Variants in AGBL1 observed in about 807,000 individuals in gnomAD.
The protein encoded by AGBL1 is AGBL carboxypeptidase 1, also known as cytosolic carboxypeptidase 4.
AGBL1 carries 130 observed loss-of-function variants against 118.9 expected under a neutral mutation model. The ratio of observed to expected loss-of-function variants is 1.09; its 90% confidence interval spans 0.95 to 1.26. AGBL1 has a LOEUF of 1.26. Among genes scored for constraint, AGBL1 ranks in the 50% most tolerant of loss-of-function variants. The pLI, the probability that AGBL1 is intolerant of heterozygous loss-of-function variation, is 0.00. For missense variants in AGBL1, 1,584 were observed against 1,298.1 expected (o/e 1.22, Z -3.38); for synonymous variants, 555 against 478.9 (o/e 1.16, Z -2.08).
At chr15:86,798,330 A>G (rs1364103678) in intron 22 of AGBL1, among the ~76,000 whole-genome samples, 1 of 152,180 alleles carries the variant, frequency 6.6e-6, no homozygotes, top group Non-Finnish European at 1.5e-5. Flanking sequence ...GTGAGCTGGG[A>G]CACACACTAC....
intron 2 of AGBL1, 118 bp downstream of exon 2, chr15:86,142,185 G>T: frequency 2.1e-6 from 2 of 974,594 alleles, no homozygotes; most frequent in South Asian, 3.2e-5. Context: ...CCTGTGAGAG[G>T]CAGCATCACT....
intron 22 of AGBL1, among the ~76,000 whole-genome samples, chr15:86,742,116 C>A (rs6496357): frequency 0.054 from 8,264 of 152,026 alleles, 599 homozygotes; most frequent in African/African-American, 0.17. Context: ...AGGCATTGAG[C>A]CATCTATACT....
intron 18 of AGBL1, among the ~76,000 whole-genome samples, chr15:86,419,013 T>C (rs1188356465): frequency 6.6e-6 from 1 of 152,144 alleles, no homozygotes; most frequent in Non-Finnish European, 1.5e-5. Flanking sequence ...CTCTTGGATA[T>C]GAGTAGATCA....
intron 22 of AGBL1, among the ~76,000 whole-genome samples, chr15:86,817,082 T>C (rs1293207273): frequency 6.6e-6 from 1 of 151,586 alleles, no homozygotes; most frequent in African/African-American, 2.4e-5. Context: ...AGGTCAGGAG[T>C]TCGAGACCAG....
chr15:86,801,896 G>C (rs1028448893), intron 22 of AGBL1, among the ~76,000 whole-genome samples: 3 of 152,072 alleles, frequency 2.0e-5, no homozygotes, highest in Non-Finnish European at 4.4e-5. Flanking sequence ...AGACTTAAAG[G>C]GAATGGGAGT....
chr15:86,891,935 A>C (rs542784123), intron 22 of AGBL1, among the ~76,000 whole-genome samples: 3 of 152,270 alleles, frequency 2.0e-5, no homozygotes, highest in African/African-American at 7.2e-5. Context: ...CTGAAACATC[A>C]ATGGGCCACT....
intron 23 of AGBL1, among the ~76,000 whole-genome samples, chr15:86,958,057 T>G (rs2080949879): frequency 6.6e-6 from 1 of 151,782 alleles, no homozygotes; most frequent in Non-Finnish European, 1.5e-5. Flanking sequence ...AAATAAAAAA[T>G]TAGCCGATTG....
intron 22 of AGBL1, among the ~76,000 whole-genome samples, chr15:86,744,398 A>G (rs1481273554): frequency 1.3e-5 from 2 of 152,118 alleles, no homozygotes; most frequent in East Asian, 3.9e-4. Context: ...AGAGATATGA[A>G]ACAAGGCCAA....
chr15:86,810,631 T>C (rs1051112869), intron 22 of AGBL1, among the ~76,000 whole-genome samples: 2 of 152,166 alleles, frequency 1.3e-5, no homozygotes, highest in African/African-American at 4.8e-5. Context: ...ATTAACCCCA[T>C]TTCTCAGAAT....
chr15:86,199,880 C>T (rs2077875826), intron 5 of AGBL1, among the ~76,000 whole-genome samples: 1 of 152,170 alleles, frequency 6.6e-6, no homozygotes, highest in South Asian at 2.1e-4. Context: ...CTTAGTCAAG[C>T]CATTTAATCC....
intron 17 of AGBL1, among the ~76,000 whole-genome samples, chr15:86,325,665 T>C (rs1263652137): frequency 1.3e-5 from 2 of 152,118 alleles, no homozygotes; most frequent in Admixed American, 6.5e-5. Context: ...CCATCTTCCA[T>C]CCCCCTAGCA....
chr15:86,326,667 A>G (rs753862967), intron 17 of AGBL1, among the ~76,000 whole-genome samples: 2 of 152,166 alleles, frequency 1.3e-5, no homozygotes, highest in Non-Finnish European at 2.9e-5. Context: ...AGGGAGGTAT[A>G]TGTTGCTTGT....
chr15:86,685,384 G>A (rs762683847), intron 22 of AGBL1, among the ~76,000 whole-genome samples: 1 of 152,124 alleles, frequency 6.6e-6, no homozygotes, highest in Non-Finnish European at 1.5e-5. Context: ...ATTGGAAAAC[G>A]AAGATAACTT....
chr15:86,989,320 T>C (rs2081315084), intron 24 of AGBL1, among the ~76,000 whole-genome samples: 1 of 152,158 alleles, frequency 6.6e-6, no homozygotes, highest in East Asian at 1.9e-4. Context: ...GATTTTTAAA[T>C]CAATGCTTCT....
In AGBL1 at chr15:86,868,777, C is replaced by T. The variant is rs371550276; in HGVS notation, c.3159-38310C>T. 1.4e-3 allele frequency among the ~76,000 whole-genome samples: 213 copies of T among 152,176 alleles called. No homozygotes were observed. The South Asian group carries it at 0.019, about 13-fold the overall frequency. On this transcript the variant is annotated intron_variant, in intron 22 of 22. Coordinates refer to ENST00000614907, the MANE Select transcript of AGBL1 (RefSeq NM_001386094.1). ...ACTACTAAAAAGTAAGGCCTGTGAACCACTAGTAGATATTGGTGGGGTGAC... is the reference window on the plus strand; with the variant it reads ...ACTACTAAAAAGTAAGGCCTGTGAATCACTAGTAGATATTGGTGGGGTGAC...
chr15:86,975,486 A>T (rs2081167099), intron 23 of AGBL1, among the ~76,000 whole-genome samples: 1 of 152,130 alleles, frequency 6.6e-6, no homozygotes, highest in Admixed American at 6.6e-5. Context: ...GCTGCAATTC[A>T]AGATGGGAAT....
chr15:86,187,600 G>A (rs1473033329), intron 5 of AGBL1, among the ~76,000 whole-genome samples: 1 of 152,174 alleles, frequency 6.6e-6, no homozygotes, highest in Non-Finnish European at 1.5e-5. Context: ...TGGAGCTGTG[G>A]TGAGATTGAA....
chr15:86,522,979 C>T (rs2083210188), intron 19 of AGBL1, 40 bp downstream of exon 19: 1 of 1,592,926 alleles, frequency 6.3e-7, no homozygotes, highest in African/African-American at 1.3e-5. Context: ...CTGGCTGCTT[C>T]CTTCTACCTT....
intron 23 of AGBL1, among the ~76,000 whole-genome samples, chr15:86,982,081 G>T (rs1181821830): frequency 2.0e-5 from 3 of 152,180 alleles, no homozygotes; most frequent in African/African-American, 7.2e-5. Flanking sequence ...AACGATGAAG[G>T]CCCCAGGTAC....
Sources: gnomAD v4.1 joint callset for allele counts (sites outside exome capture counted in the v4.1 genomes callset) on GRCh38, gnomAD v4.1.1 for gene constraint, MANE v1.5 for transcripts, NCBI Gene and HGNC (gene_info 2026-07-23, HGNC 2026-07-21) for gene names.